MAEA: variants seen among roughly 807,000 people sequenced by gnomAD.
MAEA encodes the protein E3 ubiquitin-protein transferase MAEA.
In MAEA, 22 loss-of-function variants were observed where a neutral mutation model predicts 46.2. The ratio of observed to expected loss-of-function variants is 0.48; its 90% CI spans 0.34 to 0.68. The LOEUF (loss-of-function observed/expected upper bound fraction) is 0.68. Among genes scored for constraint, MAEA ranks in the 30% least tolerant of loss-of-function variants. The probability of loss-of-function intolerance (pLI) is 0.01; values close to 1 mark genes in which losing one functional copy is unlikely to be tolerated. For synonymous variants in MAEA, 246 were observed against 222.6 expected (o/e 1.11, Z -0.94); for missense variants, 393 against 558.1 (o/e 0.70, Z 2.98).
chr4:1,302,587 C>T (rs770996986), intron 1 of MAEA, among the ~76,000 whole-genome samples: 3 of 152,206 alleles, frequency 2.0e-5, no homozygotes, highest in African/African-American at 4.8e-5. Flanking sequence ...TCACGCCATT[C>T]TTTTGCTTCA....
intron 6 of MAEA, among the ~76,000 whole-genome samples, chr4:1,336,249 G>C (rs1157975661): frequency 1.3e-5 from 2 of 151,732 alleles, no homozygotes; most frequent in Non-Finnish European, 2.9e-5. Context: ...TGTCCTGCAG[G>C]TGTTGAAATC....
chr4:1,317,739 G>A (rs1737479297), intron 3 of MAEA, among the ~76,000 whole-genome samples: 1 of 152,222 alleles, frequency 6.6e-6, no homozygotes, highest in Non-Finnish European at 1.5e-5. Flanking sequence ...TGTCACAGCT[G>A]TGCCATGAGT....
In MAEA at chr4:1,293,503, C is replaced by T. The variant is rs180790571; in HGVS notation, c.69+3521C>T. On this transcript the variant is annotated intron_variant, in intron 1 of 8. Coordinates refer to ENST00000303400, the MANE Select transcript of MAEA (RefSeq NM_001017405.3). ...CTCCTACTATTTCCCTTCAGATAGCCGAAGAAAAATAATAGTTTAGAGAAT... is the reference window on the plus strand; with the variant it reads ...CTCCTACTATTTCCCTTCAGATAGCTGAAGAAAAATAATAGTTTAGAGAAT... 1.3e-3 allele frequency among the ~76,000 whole-genome samples: 198 copies of T among 152,286 alleles called. 1 individual carries two copies. The highest frequency in any genetic ancestry group is 2.2e-3 in the Non-Finnish European group (148 of 68,026).
intron 3 of MAEA, among the ~76,000 whole-genome samples, chr4:1,318,760 G>A (rs1011092516): frequency 6.6e-6 from 1 of 152,178 alleles, no homozygotes; most frequent in Non-Finnish European, 1.5e-5. Context: ...CCTGTAGGGG[G>A]CGCCATGGAA....
intron 3 of MAEA, 137 bp downstream of exon 3, chr4:1,315,737 T>G: frequency 9.7e-6 from 5 of 515,364 alleles, no homozygotes; most frequent in Non-Finnish European, 1.7e-5. Flanking sequence ...TATGCTTGTG[T>G]TCCCCTCCCC....
chr4:1,335,447 G>A (rs1712621630), intron 6 of MAEA: 1 of 985,228 alleles, frequency 1.0e-6, no homozygotes, highest in African/African-American at 1.7e-5. Flanking sequence ...ACAGTGTGTT[G>A]AAATCAGAGT....
chr4:1,290,391 G>A (rs1245899196), intron 1 of MAEA, among the ~76,000 whole-genome samples: 4 of 152,176 alleles, frequency 2.6e-5, no homozygotes, highest in Admixed American at 1.3e-4. Flanking sequence ...GGAGGTGCCG[G>A]CTGCGCCGGT....
intron 5 of MAEA, chr4:1,329,154 C>G: frequency 2.0e-6 from 2 of 985,726 alleles, no homozygotes; most frequent in Non-Finnish European, 2.4e-6. Context: ...TCACAGATGT[C>G]TTCATCTAGG....
intron 1 of MAEA, among the ~76,000 whole-genome samples, chr4:1,307,252 A>G (rs1025840657): frequency 2.0e-5 from 3 of 152,202 alleles, no homozygotes; most frequent in Non-Finnish European, 4.4e-5. Context: ...CAGTCATACC[A>G]TCTATATCAC....
At chr4:1,298,332 C>T (rs1369547332) in intron 1 of MAEA, among the ~76,000 whole-genome samples, 2 of 152,094 alleles carry the variant, frequency 1.3e-5, no homozygotes, top group Non-Finnish European at 2.9e-5. Flanking sequence ...AGGCATGTGC[C>T]GTCTTCTGGT....
At chr4:1,330,325 T>TCTCTCTCTCTCTCTCTC (rs55818312) in intron 5 of MAEA, 39 of 163,206 alleles carry the variant, frequency 2.4e-4, no homozygotes, top group African/African-American at 4.8e-4. Context: ...TCTCTCTCTC[T>TCTCTCTCTCTCTCTCTC]TTCCGTGTGT....
chr4:1,290,938 G>C (rs1383879854), intron 1 of MAEA, among the ~76,000 whole-genome samples: 1 of 152,218 alleles, frequency 6.6e-6, no homozygotes, highest in Admixed American at 6.5e-5. Flanking sequence ...GGAGACATCA[G>C]GGCCCGGTTG....
chr4:1,321,083 G>C (rs773179352), intron 3 of MAEA, among the ~76,000 whole-genome samples: 1 of 152,138 alleles, frequency 6.6e-6, no homozygotes, highest in Non-Finnish European at 1.5e-5. Context: ...CTGGGCGGCA[G>C]AGCGAGACTC....
rs1733910053 is a variant in MAEA at position 1,289,898 on chromosome 4, T to G, written c.-16T>G. 3 of 1,591,452 alleles carry G rather than the reference T, an allele frequency of 1.9e-6. No individual in the cohort carries two copies. Among genetic ancestry groups the G allele is most frequent in the South Asian group, 2.3e-5 (2 of 88,116 alleles). On this transcript the variant is annotated 5_prime_UTR_variant, in exon 1 of 9. Coordinates refer to ENST00000303400, the MANE Select transcript of MAEA (RefSeq NM_001017405.3). ...CTCGCGCGTCCCCCGCCCGCTAATG[T>G]TTTGGCCGCTTCAAGATGGCGGTGC...
intron 1 of MAEA, among the ~76,000 whole-genome samples, chr4:1,295,801 A>T (rs867303758): frequency 8.8e-4 from 7 of 7,912 alleles, no homozygotes; most frequent in Admixed American, 1.9e-3. Flanking sequence ...CCCCCTCCCC[A>T]GCGCCTGTGC....
chr4:1,302,279 CA>C (rs1410201506), intron 1 of MAEA, among the ~76,000 whole-genome samples: 1 of 152,186 alleles, frequency 6.6e-6, no homozygotes, highest in Non-Finnish European at 1.5e-5. Flanking sequence ...ATAGATGCAA[CA>C]AAAGTACTTT....
At chr4:1,309,371 T>G in intron 1 of MAEA, 1 of 1,199,188 alleles carries the variant, frequency 8.3e-7, no homozygotes, top group Non-Finnish European at 1.0e-6. Flanking sequence ...CCCAGGCCAG[T>G]GGAGGGGAGC....
chr4:1,306,022 A>T (rs1577152923), intron 1 of MAEA, among the ~76,000 whole-genome samples: 2 of 152,276 alleles, frequency 1.3e-5, no homozygotes, highest in South Asian at 4.1e-4. Flanking sequence ...ATTCCTTCTT[A>T]CCCAGCCTTG....
At chr4:1,302,000 G>A (rs1380310964) in intron 1 of MAEA, among the ~76,000 whole-genome samples, 1 of 152,190 alleles carries the variant, frequency 6.6e-6, no homozygotes, top group Non-Finnish European at 1.5e-5. Context: ...CTTCTATGAG[G>A]CCAGTATAAC....
Sources: allele counts gnomAD v4.1 joint callset (sites outside exome capture counted in the v4.1 genomes callset), GRCh38; gene constraint gnomAD v4.1.1; transcripts MANE v1.5; gene names NCBI Gene and HGNC (gene_info 2026-07-23, HGNC 2026-07-21).